Variants in MRPS5 observed in about 807,000 individuals in gnomAD.
The protein encoded by MRPS5 is small ribosomal subunit protein uS5m.
MRPS5 carries 27 observed loss-of-function variants against 51.9 expected under a neutral mutation model. The observed-to-expected ratio is 0.52, with a 90% confidence interval of 0.38 to 0.72. The LOEUF (loss-of-function observed/expected upper bound fraction) is 0.72, where lower values mean the gene tolerates loss of function less well. MRPS5 is among the 30% of genes least tolerant of loss of function. The probability of loss-of-function intolerance (pLI) is 0.00; values close to 1 mark genes in which losing one functional copy is unlikely to be tolerated. For synonymous variants in MRPS5, 196 were observed against 193.2 expected, an observed-to-expected ratio of 1.01 and a Z score of -0.12; for missense variants, 570 against 545.7, an observed-to-expected ratio of 1.04 and a Z score of -0.44.
At chr2:95,121,633 G>C in intron 1 of MRPS5, 101 bp downstream of exon 1, 6 of 1,323,590 alleles carry the variant, frequency 4.5e-6, no homozygotes, top group Non-Finnish European at 6.1e-6. Flanking sequence ...GCCGGGGGCC[G>C]CGGCTTCTCG....
rs1286512388 is a variant in MRPS5 at position 95,104,820 on chromosome 2, G to A, written c.673-90C>T. Reference sequence around the variant, plus strand: ...AGCCGCCTTCCTTGCAGGCATACACGGTGAACAGGCACACACAGAGAACAG... The same window carrying A: ...AGCCGCCTTCCTTGCAGGCATACACAGTGAACAGGCACACACAGAGAACAG... On this transcript the variant is annotated intron_variant, in intron 6 of 11. Coordinates refer to ENST00000272418, the MANE Select transcript of MRPS5 (RefSeq NM_031902.5). The A allele has an allele frequency of 1.3e-5, 14 of 1,089,894 alleles. No individual in the cohort carries two copies. In the Admixed American group the frequency reaches 1.4e-4, roughly 11 times the overall value. 67.5% of individuals were successfully genotyped at this position (1,089,894 alleles called of 1,614,324 possible).
Position 95,104,706 on chromosome 2 carries a change from C to T in MRPS5, c.697G>A (p.Ala233Thr). 6.2e-7 allele frequency: 1 copy of T among 1,614,044 alleles called. No individual in the cohort carries two copies. The highest frequency in any genetic ancestry group is 8.5e-7 in the Non-Finnish European group (1 of 1,179,954). Residue 233 changes from alanine (A) to threonine (T), a missense_variant, in exon 7 of 12, where the codon GCG (alanine) becomes ACG (threonine). By Grantham distance (58) the Ala-to-Thr change is moderately conservative. Transcript: ENST00000272418. ...ATCGATTTCTTTCTTCCCTCTTTCG[C>T]AGTCATAGTGAAAACGTTTCTTACC... ...LEVRNVFTMTAKEGRKKSIRV... is the reference protein window; with the variant it reads ...LEVRNVFTMTTKEGRKKSIRV...
intron 10 of MRPS5, among the ~76,000 whole-genome samples, chr2:95,097,637 G>T (rs1413913788): frequency 2.6e-5 from 4 of 152,188 alleles, no homozygotes; most frequent in Non-Finnish European, 5.9e-5. Context: ...GGGAAAACTG[G>T]CTAGCCATAT....
At chr2:95,113,204 C>T (rs749068482) in intron 3 of MRPS5, among the ~76,000 whole-genome samples, 4 of 151,932 alleles carry the variant, frequency 2.6e-5, no homozygotes, top group Non-Finnish European at 5.9e-5. Flanking sequence ...CAGCCAGGTG[C>T]AGAGGCTCAC....
At chr2:95,090,544 G>A in intron 10 of MRPS5, 22 bp from the exon 11 acceptor site, 1 of 1,613,746 alleles carries the variant, frequency 6.2e-7, no homozygotes, top group Non-Finnish European at 8.5e-7. Context: ...GAAACCGGGT[G>A]AAACACAGCC....
chr2:95,113,921 A>C (rs1322399552), intron 3 of MRPS5, among the ~76,000 whole-genome samples: 1 of 151,850 alleles, frequency 6.6e-6, no homozygotes, highest in Admixed American at 6.6e-5. Flanking sequence ...AGAGATCAAG[A>C]CCATTGTGGC....
At chr2:95,089,722 A>G (rs890696409) in intron 11 of MRPS5, among the ~76,000 whole-genome samples, 3 of 152,214 alleles carry the variant, frequency 2.0e-5, no homozygotes, top group African/African-American at 7.2e-5. Flanking sequence ...CCTAGCCCCA[A>G]CTGAAAGGAC....
At position 95,104,663 on chromosome 2, in the gene MRPS5, A is replaced by G. The variant is rs766108179; in HGVS notation, c.740T>C (p.Val247Ala). Residue 247 changes from valine (V) to alanine (A), a missense_variant, in exon 7 of 12, where the codon GTG becomes GCG. Transcript: ENST00000272418. ...RKKSIRVLVA[V>A]GNGKGAAGFS... ...ACCTGCAGCTCCTTTTCCGTTCCCC[A>G]CAGCCACCAAGACACGGATCGATTT... The G allele has an allele frequency of 1.2e-6, 2 of 1,614,084 alleles. No individual in the cohort carries two copies. The highest frequency in any genetic ancestry group is 1.7e-6 in the Non-Finnish European group (2 of 1,179,994).
intron 10 of MRPS5, among the ~76,000 whole-genome samples, chr2:95,096,717 C>A (rs1207418546): frequency 6.6e-6 from 1 of 152,122 alleles, no homozygotes; most frequent in Non-Finnish European, 1.5e-5. Flanking sequence ...TTATGACAAA[C>A]CCACAGCCAA....
rs1164144377 is a variant in MRPS5 at position 95,090,382 on chromosome 2, T to A, written c.1068+4A>T. On this transcript the variant is annotated splice_donor_region_variant and intron_variant, in intron 11 of 11. Coordinates refer to ENST00000272418, the MANE Select transcript of MRPS5 (RefSeq NM_031902.5). Reference sequence around the variant, plus strand: ...CTCTGTTTCAGACCCCGGGAAAGGATTACCTGTCTGGAGAGCCCACGGAAG... The same window carrying A: ...CTCTGTTTCAGACCCCGGGAAAGGAATACCTGTCTGGAGAGCCCACGGAAG... The A allele has an allele frequency of 6.2e-7, 1 of 1,612,944 alleles. No homozygotes were observed. Among genetic ancestry groups the A allele is most frequent in the African/African-American group, 1.3e-5 (1 of 74,806 alleles).
intron 10 of MRPS5, chr2:95,090,883 G>A (rs536852001): frequency 6.6e-5 from 13 of 195,782 alleles, no homozygotes; most frequent in African/African-American, 1.6e-4. Context: ...TGATAGTTCC[G>A]TTGCCCTGAG....
intron 6 of MRPS5, 139 bp from the exon 7 acceptor site, chr2:95,104,869 G>C: frequency 1.5e-6 from 1 of 668,758 alleles, no homozygotes; most frequent in African/African-American, 1.8e-5. Flanking sequence ...CAACTCCTGA[G>C]CACAAGTAAC....
intron 4 of MRPS5, 63 bp downstream of exon 4, chr2:95,109,853 A>G (rs1676065129): frequency 2.6e-6 from 4 of 1,551,268 alleles, no homozygotes; most frequent in Non-Finnish European, 3.5e-6. Flanking sequence ...TTTGTAAAAT[A>G]TCTATAAAAT....
rs769551208 is a variant in MRPS5, at chr2:95,115,209, G to C, written c.140-6C>G. 1 of 1,584,090 alleles carries C rather than the reference G, an allele frequency of 6.3e-7. No individual in the cohort carries two copies. Among genetic ancestry groups the C allele is most frequent in the East Asian group, 2.2e-5 (1 of 44,530 alleles). On this transcript the variant is annotated splice_region_variant and splice_polypyrimidine_tract_variant and intron_variant, in intron 2 of 11. Coordinates refer to ENST00000272418, the MANE Select transcript of MRPS5 (RefSeq NM_031902.5). ...TCCCAGTGATGACAAATGGCCTGTA[G>C]GCAGATGGGTTAAACTTTGAGTTAG... is the stretch of plus-strand genomic sequence containing the variant.
At chr2:95,115,448 G>C (rs1676258086) in intron 2 of MRPS5, among the ~76,000 whole-genome samples, 1 of 152,168 alleles carries the variant, frequency 6.6e-6, no homozygotes, top group African/African-American at 2.4e-5. Context: ...GAAAGAAGCA[G>C]ATTTGTCCAT....
At chr2:95,117,813 T>G (rs1676327949) in intron 2 of MRPS5, 52 bp downstream of exon 2, 1 of 1,414,020 alleles carries the variant, frequency 7.1e-7, no homozygotes, top group African/African-American at 1.5e-5. Flanking sequence ...CTACAGAAAC[T>G]ACTTTGACAT....
rs759663474 is a variant in MRPS5 at position 95,087,433 on chromosome 2, A to C, written c.1217T>G (p.Leu406Arg). 1.7e-5 allele frequency: 27 copies of C among 1,614,028 alleles called. No individual in the cohort carries two copies. The East Asian group carries it at 6.0e-4, about 36-fold the overall frequency. Residue 406 changes from leucine (L) to arginine (R), a missense_variant, in exon 12 of 12, where the codon CTG becomes CGG. Leu to Arg is a moderately radical substitution (Grantham distance 102, BLOSUM62 -2). Coordinates refer to ENST00000272418, the MANE Select transcript of MRPS5 (RefSeq NM_031902.5). ...EPEDEVPDVK[L>R]DWEDVKTAQG... ...TGCAGTCTTCACATCTTCCCAGTCC[A>C]GTTTGACGTCTGGAACCTCATCTTC...
intron 11 of MRPS5, among the ~76,000 whole-genome samples, chr2:95,088,268 T>A (rs1675356255): frequency 6.6e-6 from 1 of 152,210 alleles, no homozygotes; most frequent in Non-Finnish European, 1.5e-5. Context: ...AATCCTCATC[T>A]TTTCGAAGAT....
chr2:95,111,157 C>T (rs1404784781), intron 3 of MRPS5, among the ~76,000 whole-genome samples: 1 of 152,182 alleles, frequency 6.6e-6, no homozygotes, highest in Non-Finnish European at 1.5e-5. Context: ...GATTCCACAT[C>T]ACATGTTGTT....
Sources: allele counts gnomAD v4.1 joint callset (sites outside exome capture counted in the v4.1 genomes callset), GRCh38; gene constraint gnomAD v4.1.1; transcripts MANE v1.5; gene names NCBI Gene and HGNC (gene_info 2026-07-23, HGNC 2026-07-21).